The following SPMAP2L variants were observed in gnomAD, a reference collection of about 807,000 sequenced individuals.
SPMAP2L encodes the protein sperm microtubule associated protein 2 like.
the SPMAP2L span, among the ~76,000 whole-genome samples, chr4:56,602,918 T>C: frequency 6.6e-6 from 1 of 152,150 alleles, no homozygotes; most frequent in Non-Finnish European, 1.5e-5. Flanking sequence ...CAAACTCAGG[T>C]CTGTCTGATT....
At chr4:56,558,358 T>C in the SPMAP2L span, among the ~76,000 whole-genome samples, 1 of 152,312 alleles carries the variant, frequency 6.6e-6, no homozygotes, top group African/African-American at 2.4e-5. Flanking sequence ...AATATCCTGC[T>C]TTGTACATTA....
chr4:56,595,562 G>A, the SPMAP2L span: 1 of 1,410,892 alleles, frequency 7.1e-7, no homozygotes, highest in Non-Finnish European at 1.0e-6. Context: ...CCAGAGAGGT[G>A]GCAGCATTCC....
At chr4:56,598,319 AACT>A in the SPMAP2L span, among the ~76,000 whole-genome samples, 2 of 152,340 alleles carry the variant, frequency 1.3e-5, no homozygotes, top group Non-Finnish European at 2.9e-5. Flanking sequence ...ATTCAGCACC[AACT>A]ATGTGCCAGA....
At chr4:56,606,423 T>C in the SPMAP2L span, among the ~76,000 whole-genome samples, 1 of 152,254 alleles carries the variant, frequency 6.6e-6, no homozygotes, top group Admixed American at 6.5e-5. Flanking sequence ...CATTGAACTG[T>C]CTTCTGGGAC....
At chr4:56,610,111 A>C in the SPMAP2L span, among the ~76,000 whole-genome samples, 2 of 152,188 alleles carry the variant, frequency 1.3e-5, no homozygotes, top group Non-Finnish European at 2.9e-5. Flanking sequence ...CCTAAAGCTC[A>C]TATGGAACCA....
the SPMAP2L span, among the ~76,000 whole-genome samples, chr4:56,618,684 G>C: frequency 1.3e-3 from 203 of 152,292 alleles, no homozygotes; most frequent in Middle Eastern, 3.4e-3. Context: ...CACACAGGGG[G>C]ATTATGGGAA....
At chr4:56,537,884 G>A in the SPMAP2L span, among the ~76,000 whole-genome samples, 11 of 151,876 alleles carry the variant, frequency 7.2e-5, no homozygotes, top group Non-Finnish European at 1.2e-4. Flanking sequence ...TAGTAGAGAC[G>A]GGGTTTCACC....
chr4:56,596,851 A>G, the SPMAP2L span, among the ~76,000 whole-genome samples: 1 of 152,220 alleles, frequency 6.6e-6, no homozygotes, highest in South Asian at 2.1e-4. Flanking sequence ...CTGGATTCAA[A>G]TTGCAGCCTC....
the SPMAP2L span, among the ~76,000 whole-genome samples, chr4:56,602,953 C>T: frequency 6.6e-6 from 1 of 152,110 alleles, no homozygotes; most frequent in Admixed American, 6.5e-5. Context: ...CAAGACTAAG[C>T]AACTTCCTGA....
the SPMAP2L span, among the ~76,000 whole-genome samples, chr4:56,605,844 A>G: frequency 1.1e-4 from 16 of 152,356 alleles, no homozygotes; most frequent in East Asian, 3.1e-3. Flanking sequence ...CGTGTCCGGC[A>G]TAAACCCTAT....
At chr4:56,569,557 C>T in the SPMAP2L span, among the ~76,000 whole-genome samples, 9 of 152,034 alleles carry the variant, frequency 5.9e-5, no homozygotes, top group South Asian at 1.0e-3. Flanking sequence ...TGCCTGTAAT[C>T]CCAGTACTTT....
chr4:56,598,812 C>T, the SPMAP2L span, among the ~76,000 whole-genome samples: 2 of 151,998 alleles, frequency 1.3e-5, no homozygotes, highest in Non-Finnish European at 1.5e-5. Context: ...CAAATCTCAC[C>T]TTGAATTGTA....
chr4:56,577,083 C>A, the SPMAP2L span, among the ~76,000 whole-genome samples: 20 of 150,254 alleles, frequency 1.3e-4, no homozygotes, highest in Non-Finnish European at 2.2e-4. Context: ...GGTCTGACTT[C>A]TGTGCTTTCA....
the SPMAP2L span, among the ~76,000 whole-genome samples, chr4:56,578,919 A>T: frequency 1.3e-5 from 2 of 151,000 alleles, no homozygotes; most frequent in African/African-American, 4.9e-5. Flanking sequence ...CTCTACAAGA[A>T]AAAAAAAAGT....
At chr4:56,566,695 CTTTTTTT>C in the SPMAP2L span, among the ~76,000 whole-genome samples, 6 of 92,450 alleles carry the variant, frequency 6.5e-5, no homozygotes, top group Non-Finnish European at 1.2e-4. Flanking sequence ...TTTTCTTTTT[CTTTTTTT>C]TTTTTTTTTT....
the SPMAP2L span, chr4:56,594,430 T>G: frequency 6.2e-7 from 1 of 1,600,764 alleles, no homozygotes; most frequent in Non-Finnish European, 8.6e-7. Context: ...CTCAAGGATA[T>G]CAGCAGCTTT....
At chr4:56,618,525 C>T in the SPMAP2L span, among the ~76,000 whole-genome samples, 2 of 152,136 alleles carry the variant, frequency 1.3e-5, no homozygotes, top group Non-Finnish European at 2.9e-5. Flanking sequence ...ATGTCCTTTA[C>T]GGTGTGGCAG....
chr4:56,598,275 A>G, the SPMAP2L span, among the ~76,000 whole-genome samples: 1 of 152,360 alleles, frequency 6.6e-6, no homozygotes, highest in East Asian at 1.9e-4. Context: ...TGGTTTTTAA[A>G]GTAAGACCAA....
At chr4:56,578,304 G>A in the SPMAP2L span, among the ~76,000 whole-genome samples, 1 of 152,046 alleles carries the variant, frequency 6.6e-6, no homozygotes, top group East Asian at 1.9e-4. Flanking sequence ...GAACTAGATT[G>A]TTGTAAGATG....
Sources: allele counts gnomAD v4.1 joint callset (sites outside exome capture counted in the v4.1 genomes callset), GRCh38; gene constraint gnomAD v4.1.1; transcripts MANE v1.5; gene names NCBI Gene and HGNC (gene_info 2026-07-23, HGNC 2026-07-21).